The following PLXDC1 variants were observed in gnomAD, a reference collection of about 807,000 sequenced individuals.
The protein encoded by PLXDC1 is plexin domain containing 1.
In PLXDC1, 39 loss-of-function variants were observed where a neutral mutation model predicts 61.3. The ratio of observed to expected loss-of-function variants is 0.64; its 90% CI spans 0.49 to 0.83. The LOEUF is 0.83. Among genes scored for constraint, PLXDC1 ranks in the 40% least tolerant of loss-of-function variants. The pLI is 0.00. For synonymous variants in PLXDC1, 212 were observed against 254.5 expected (o/e 0.83, Z 1.59); for missense variants, 596 against 666.5 (o/e 0.89, Z 1.17).
At chr17:39,085,890 C>T (rs934438188) in intron 8 of PLXDC1, among the ~76,000 whole-genome samples, 9 of 150,558 alleles carry the variant, frequency 6.0e-5, no homozygotes, top group African/African-American at 2.2e-4. Flanking sequence ...TTGCCTTTCC[C>T]AGTGACTTTG....
intron 2 of PLXDC1, among the ~76,000 whole-genome samples, chr17:39,120,125 C>T (rs763719863): frequency 1.3e-5 from 2 of 152,124 alleles, no homozygotes; most frequent in African/African-American, 2.4e-5. Context: ...AATCACGCAC[C>T]CCTGCAGGCC....
At chr17:39,082,196 A>G (rs1909588295) in intron 9 of PLXDC1, among the ~76,000 whole-genome samples, 1 of 152,186 alleles carries the variant, frequency 6.6e-6, no homozygotes, top group Non-Finnish European at 1.5e-5. Context: ...TTGCAGCAGG[A>G]TATTGGAAAG....
intron 1 of PLXDC1, among the ~76,000 whole-genome samples, chr17:39,140,454 C>T (rs1371501589): frequency 6.6e-6 from 1 of 152,222 alleles, no homozygotes; most frequent in Non-Finnish European, 1.5e-5. Context: ...TACAGGCGCC[C>T]GCTACCGCGC....
intron 2 of PLXDC1, among the ~76,000 whole-genome samples, chr17:39,128,225 A>C (rs1378301946): frequency 7.0e-6 from 1 of 142,414 alleles, no homozygotes; most frequent in East Asian, 2.1e-4. Context: ...GTGTATATAT[A>C]TATTTTTTTG....
At chr17:39,108,678 G>A in intron 4 of PLXDC1, 1 of 578,358 alleles carries the variant, frequency 1.7e-6, no homozygotes, top group Non-Finnish European at 3.1e-6. Flanking sequence ...ACTCGTGCTG[G>A]CCCGAGGAGA....
chr17:39,148,433 T>C (rs1035642172), intron 1 of PLXDC1, among the ~76,000 whole-genome samples: 2 of 151,700 alleles, frequency 1.3e-5, no homozygotes, highest in Admixed American at 6.6e-5. Flanking sequence ...CAGGCTGGAG[T>C]GCAGTGGTGC....
intron 9 of PLXDC1, chr17:39,079,592 A>G (rs1431991761): frequency 2.2e-6 from 1 of 456,318 alleles, no homozygotes; most frequent in Non-Finnish European, 4.4e-6. Flanking sequence ...ACACCTCCCC[A>G]TGTGATCATT....
At chr17:39,096,329 T>C (rs796265509) in intron 7 of PLXDC1, among the ~76,000 whole-genome samples, 13 of 151,848 alleles carry the variant, frequency 8.6e-5, no homozygotes, top group African/African-American at 3.1e-4. Context: ...AGCAGAGTAG[T>C]GGGAAAAACA....
At chr17:39,073,590 C>G (rs1342720075) in intron 11 of PLXDC1, among the ~76,000 whole-genome samples, 1 of 152,212 alleles carries the variant, frequency 6.6e-6, no homozygotes, top group Non-Finnish European at 1.5e-5. Flanking sequence ...GCCCACGCAG[C>G]CTCTCTCCCA....
chr17:39,076,356 T>A (rs538843605), intron 11 of PLXDC1, among the ~76,000 whole-genome samples: 146 of 149,906 alleles, frequency 9.7e-4, no homozygotes, highest in African/African-American at 3.0e-3. Flanking sequence ...AAAAAATTTT[T>A]AAAAATTAGC....
intron 7 of PLXDC1, among the ~76,000 whole-genome samples, chr17:39,098,925 T>G (rs957370710): frequency 5.3e-5 from 8 of 152,134 alleles, no homozygotes; most frequent in African/African-American, 1.9e-4. Context: ...CACCCAGCTG[T>G]GCCCGGCCTT....
intron 7 of PLXDC1, among the ~76,000 whole-genome samples, chr17:39,088,733 G>A (rs1353094286): frequency 6.6e-6 from 1 of 152,018 alleles, no homozygotes; most frequent in African/African-American, 2.4e-5. Flanking sequence ...TTGAGGTCAG[G>A]AGTTCGAGAC....
At chr17:39,124,469 T>C (rs1021763912) in intron 2 of PLXDC1, among the ~76,000 whole-genome samples, 2 of 152,132 alleles carry the variant, frequency 1.3e-5, no homozygotes, top group Non-Finnish European at 2.9e-5. Flanking sequence ...GGAGCACATC[T>C]GTAGTCCCAG....
intron 2 of PLXDC1, among the ~76,000 whole-genome samples, chr17:39,132,787 G>T (rs1165768656): frequency 6.6e-6 from 1 of 152,118 alleles, no homozygotes; most frequent in African/African-American, 2.4e-5. Flanking sequence ...GAGGAACGAT[G>T]GAGGAAGGTG....
intron 2 of PLXDC1, among the ~76,000 whole-genome samples, chr17:39,119,215 A>T (rs781071177): frequency 1.3e-5 from 2 of 152,102 alleles, no homozygotes; most frequent in African/African-American, 4.8e-5. Context: ...CAGAACCAAA[A>T]GGACCTTAAA....
chr17:39,150,566 A>G (rs1463502226), intron 1 of PLXDC1, among the ~76,000 whole-genome samples: 1 of 152,136 alleles, frequency 6.6e-6, no homozygotes, highest in Non-Finnish European at 1.5e-5. Flanking sequence ...AAATTATACC[A>G]TGAGGGATTC....
At chr17:39,088,981 GA>G (rs1909851816) in intron 7 of PLXDC1, among the ~76,000 whole-genome samples, 1 of 64,542 alleles carries the variant, frequency 1.5e-5, no homozygotes, top group Non-Finnish European at 3.4e-5. Context: ...GAGAGAAAAA[GA>G]AAGAAAGAAA....
At chr17:39,108,859 C>T in intron 4 of PLXDC1, 45 bp downstream of exon 4, 1 of 1,384,416 alleles carries the variant, frequency 7.2e-7, no homozygotes, top group Non-Finnish European at 1.0e-6. Flanking sequence ...TGAGTTCGGG[C>T]TGAGGTCTCC....
At chr17:39,138,969 A>T (rs1181087505) in intron 2 of PLXDC1, among the ~76,000 whole-genome samples, 1 of 152,010 alleles carries the variant, frequency 6.6e-6, no homozygotes, top group African/African-American at 2.4e-5. Context: ...ATACAAAATC[A>T]TCTGACACAG....
Sources: gnomAD v4.1 joint callset for allele counts (sites outside exome capture counted in the v4.1 genomes callset) on GRCh38, gnomAD v4.1.1 for gene constraint, MANE v1.5 for transcripts, NCBI Gene and HGNC (gene_info 2026-07-23, HGNC 2026-07-21) for gene names.